Variants in OR10H5 observed in about 807,000 individuals in gnomAD.
The protein encoded by OR10H5 is olfactory receptor family 10 subfamily H member 5.
Under a neutral mutation model 12.2 loss-of-function variants are expected in OR10H5, and 7 were observed. The ratio of observed to expected loss-of-function variants is 0.57; its 90% CI spans 0.33 to 1.07. The LOEUF (loss-of-function observed/expected upper bound fraction) is 1.07, where lower values mean the gene tolerates loss of function less well. Ranked by LOEUF, OR10H5 falls within the 50% of genes least tolerant of loss-of-function variation. OR10H5 has a pLI of 0.04. For synonymous variants in OR10H5, 159 were observed against 175.1 expected (o/e 0.91, Z 0.73); for missense variants, 346 against 411.6 (o/e 0.84, Z 1.38).
At chr19:15,790,900 T>A (rs752968247) in intron 1 of OR10H5, among the ~76,000 whole-genome samples, 1 of 152,122 alleles carries the variant, frequency 6.6e-6, no homozygotes, top group Non-Finnish European at 1.5e-5. Flanking sequence ...AAGTGTAATA[T>A]TGGGGTGAAC....
In OR10H5 at chr19:15,787,693, C is replaced by T. The variant is rs1044378043; in HGVS notation, c.-35C>T. 6.6e-5 allele frequency: 10 copies of T among 152,240 alleles called. No individual in the cohort carries two copies. Among genetic ancestry groups the T allele is most frequent in the African/African-American group, 9.7e-5 (4 of 41,396 alleles). 9.4% of individuals were successfully genotyped at this position (152,240 alleles called of 1,614,324 possible). The stretch of plus-strand genomic sequence containing the variant: ...GGCCATTACAGGCCTGGCTGCAAGG[C>T]GTCCCTAAAGGTCTCTGATGAAGGT... On this transcript the variant is annotated 5_prime_UTR_variant, in exon 1 of 2. Transcript: ENST00000642092.
At chr19:15,789,706 G>A (rs932473123) in intron 1 of OR10H5, among the ~76,000 whole-genome samples, 2 of 152,136 alleles carry the variant, frequency 1.3e-5, no homozygotes, top group Non-Finnish European at 2.9e-5. Context: ...GTGCTGTTCT[G>A]GGAAAGAGTG....
In OR10H5 at chr19:15,797,568, CATT is replaced by C. The variant is rs975308584; in HGVS notation, c.*2573_*2575del. Reference sequence around the variant, plus strand: ...CTCCTTCACTTTATTTAGTAGTAGTCATTGTGTAAATTTGAAACAACCGGAGAA... The same window carrying C: ...CTCCTTCACTTTATTTAGTAGTAGTCGTGTAAATTTGAAACAACCGGAGAA... On this transcript the variant is annotated 3_prime_UTR_variant, in exon 2 of 2. Coordinates refer to ENST00000642092, the MANE Select transcript of OR10H5 (RefSeq NM_001004466.2). 1.8e-4 allele frequency: 27 copies of C among 152,036 alleles called. No homozygotes were observed. Among genetic ancestry groups the C allele is most frequent in the African/African-American group, 6.3e-4 (26 of 41,386 alleles). 9.4% of individuals were successfully genotyped at this position (152,036 alleles called of 1,614,324 possible).
In OR10H5 at chr19:15,797,671, C is replaced by T. The variant is rs534867614; in HGVS notation, c.*2675C>T. The stretch of plus-strand genomic sequence containing the variant: ...CCAGGTCAGGGTGAGGTGAGGGAGA[C>T]ACCTCACCTCCTTTAAACATTATTT... On this transcript the variant is annotated 3_prime_UTR_variant, in exon 2 of 2. Transcript: ENST00000642092. The T allele has an allele frequency of 1.3e-5, 2 of 152,056 alleles. No homozygotes were observed. Among genetic ancestry groups the T allele is most frequent in the African/African-American group, 2.4e-5 (1 of 41,386 alleles). 9.4% of individuals were successfully genotyped at this position (152,056 alleles called of 1,614,324 possible). A position where few individuals can be genotyped will look rare whatever the true frequency, so the allele number is the denominator to read the frequency against.
At chr19:15,788,644 C>G (rs1187500255) in intron 1 of OR10H5, among the ~76,000 whole-genome samples, 1 of 152,074 alleles carries the variant, frequency 6.6e-6, no homozygotes, top group African/African-American at 2.4e-5. Context: ...AGCGCAGGCA[C>G]ACAGCACCAC....
rs2088839967 is a variant in OR10H5, at chr19:15,796,356, A to AGTGTC, written c.*1361_*1365dup. ...TCTATGGGTTTAGGAGGAATCACCC[A>AGTGTC]GTGTCAGAGAATTAGGGATACACCT... On this transcript the variant is annotated 3_prime_UTR_variant, in exon 2 of 2. Coordinates refer to ENST00000642092, the MANE Select transcript of OR10H5 (RefSeq NM_001004466.2). The AGTGTC allele has an allele frequency of 6.6e-6, 1 of 152,242 alleles. No individual in the cohort carries two copies. Among genetic ancestry groups the AGTGTC allele is most frequent in the African/African-American group, 2.4e-5 (1 of 41,454 alleles). 9.4% of individuals were successfully genotyped at this position (152,242 alleles called of 1,614,324 possible). A position where few individuals can be genotyped will look rare whatever the true frequency, so the allele number is the denominator to read the frequency against.
At chr19:15,793,961 T>C (rs2088821504) in intron 1 of OR10H5, 77 bp from the exon 2 acceptor site, 1 of 1,240,298 alleles carries the variant, frequency 8.1e-7, no homozygotes, top group Non-Finnish European at 1.1e-6. Context: ...CGCTCTCAGA[T>C]GTCCTCCCAG....
rs2088829968 is a variant in OR10H5, at chr19:15,794,706, G to T, written c.658G>T (p.Ala220Ser). Reference protein sequence around the residue: ...GCFLLILLSYAFIVAAILKIP... With the variant: ...GCFLLILLSYSFIVAAILKIP... ...TTTTCTCCTCATCCTCCTCTCCTAT[G>T]CCTTCATCGTGGCCGCCATCTTGAA... is the stretch of plus-strand genomic sequence containing the variant. Residue 220 changes from alanine to serine, a missense_variant, in exon 2 of 2, where the codon GCC (alanine) becomes TCC (serine). By Grantham distance (99) the Ala-to-Ser change is moderately conservative (BLOSUM62 1). Coordinates refer to ENST00000642092, the MANE Select transcript of OR10H5 (RefSeq NM_001004466.2). 6.2e-7 allele frequency: 1 copy of T among 1,613,834 alleles called. No homozygotes were observed. Among genetic ancestry groups the T allele is most frequent in the Admixed American group, 1.7e-5 (1 of 59,990 alleles).
Position 15,794,056 on chromosome 19 carries a change from G to A in OR10H5, c.8G>A (p.Gly3Glu), listed in dbSNP as rs1226439767. The change falls in exon 2 of 2, where the codon GGG becomes GAG. Residue 3 changes from glycine to glutamate, a missense_variant. Physicochemically the swap from Gly to Glu is moderately conservative, Grantham distance 98. Coordinates refer to ENST00000642092, the MANE Select transcript of OR10H5 (RefSeq NM_001004466.2). The stretch of plus-strand genomic sequence containing the variant: ...CAACTAGGGGTGGCCGCCATGCAGG[G>A]GCTAAACCACACCTCCGTGTCTGAA... MQ[G>E]LNHTSVSEFI... 6.8e-6 allele frequency: 11 copies of A among 1,612,390 alleles called. No homozygotes were observed. The Admixed American group carries it at 1.7e-4, about 24-fold the overall frequency.
chr19:15,794,932 A>G lies in OR10H5; in HGVS notation c.884A>G (p.Asn295Ser). Residue 295 changes from asparagine (N) to serine (S), a missense_variant, in exon 2 of 2, where the codon AAC (asparagine) becomes AGC (serine). Coordinates refer to ENST00000642092, the MANE Select transcript of OR10H5 (RefSeq NM_001004466.2). ...FLSPIIFSLR[N>S]KELKVAMKKT... ...AGCCCCATCATCTTCAGCCTCAGGA[A>G]CAAGGAGCTGAAGGTCGCCATGAAG... The G allele has an allele frequency of 6.2e-7, 1 of 1,614,178 alleles. No homozygotes were observed. Among genetic ancestry groups the G allele is most frequent in the Non-Finnish European group, 8.5e-7 (1 of 1,180,032 alleles).
intron 1 of OR10H5, among the ~76,000 whole-genome samples, chr19:15,792,507 C>G (rs1012665852): frequency 1.3e-5 from 2 of 152,096 alleles, no homozygotes; most frequent in African/African-American, 4.8e-5. Flanking sequence ...ACTGTGTCGC[C>G]CAGGCTGGAG....
chr19:15,795,042 A>G lies in OR10H5; in HGVS notation c.*46A>G. ...GAGATGTAGCGAATGGGAACACTTT[A>G]GTCTTCCTCCTTTATTTCTTTTCCT... is the stretch of plus-strand genomic sequence containing the variant. On this transcript the variant is annotated 3_prime_UTR_variant, in exon 2 of 2. Transcript: ENST00000642092. 1 of 1,527,158 alleles carries G rather than the reference A, an allele frequency of 6.5e-7. No individual in the cohort carries two copies. The highest frequency in any genetic ancestry group is 9.0e-7 in the Non-Finnish European group (1 of 1,116,486). The allele number at this position is 1,527,158 out of a possible 1,614,324, so 94.6% of individuals were successfully genotyped here. A position where few individuals can be genotyped will look rare whatever the true frequency, so the allele number is the denominator to read the frequency against.
intron 1 of OR10H5, among the ~76,000 whole-genome samples, chr19:15,790,653 A>G (rs984869127): frequency 2.0e-5 from 3 of 152,030 alleles, no homozygotes; most frequent in South Asian, 2.1e-4. Flanking sequence ...CTCAGAGATG[A>G]CAGATGAGGG....
chr19:15,791,814 T>G (rs2088810678), intron 1 of OR10H5, among the ~76,000 whole-genome samples: 1 of 151,914 alleles, frequency 6.6e-6, no homozygotes, highest in Admixed American at 6.6e-5. Context: ...TGCCTCAGCC[T>G]CCCGAGTAGC....
rs2088839200 is a variant in OR10H5, at chr19:15,796,192, T to A, written c.*1196T>A. ...CTATTCTTTAAATTAGAGCTGGGGA[T>A]AAGAAGTACACATTTCTCAGGGCCT... On this transcript the variant is annotated 3_prime_UTR_variant, in exon 2 of 2. Coordinates refer to ENST00000642092, the MANE Select transcript of OR10H5 (RefSeq NM_001004466.2). 6.6e-6 allele frequency: 1 copy of A among 152,226 alleles called. No individual in the cohort carries two copies. Among genetic ancestry groups the A allele is most frequent in the South Asian group, 2.1e-4 (1 of 4,828 alleles). The allele number at this position is 152,226 out of a possible 1,614,324, so 9.4% of individuals were successfully genotyped here.
intron 1 of OR10H5, among the ~76,000 whole-genome samples, chr19:15,792,163 G>A (rs1373949667): frequency 8.6e-5 from 13 of 151,774 alleles, no homozygotes; most frequent in Non-Finnish European, 8.8e-5. Context: ...TATGTTCTAG[G>A]GCACAATTCA....
intron 1 of OR10H5, among the ~76,000 whole-genome samples, chr19:15,790,386 C>A (rs909567662): frequency 1.3e-5 from 2 of 152,176 alleles, no homozygotes; most frequent in Admixed American, 6.5e-5. Flanking sequence ...GAACTGTGTG[C>A]TAAGCACTTG....
intron 1 of OR10H5, among the ~76,000 whole-genome samples, chr19:15,788,543 G>C (rs2088794567): frequency 6.6e-6 from 1 of 152,018 alleles, no homozygotes; most frequent in South Asian, 2.1e-4. Context: ...CTGTCACCCA[G>C]GCTGGAGTGC....
Position 15,797,594 on chromosome 19 carries a change from G to A in OR10H5, c.*2598G>A, listed in dbSNP as rs368081538. The A allele has an allele frequency of 1.3e-5, 2 of 152,128 alleles. No homozygotes were observed. The highest frequency in any genetic ancestry group is 4.8e-5 in the African/African-American group (2 of 41,416). 9.4% of individuals were successfully genotyped at this position (152,128 alleles called of 1,614,324 possible). On this transcript the variant is annotated 3_prime_UTR_variant, in exon 2 of 2. Coordinates refer to ENST00000642092, the MANE Select transcript of OR10H5 (RefSeq NM_001004466.2). ...ATTGTGTAAATTTGAAACAACCGGA[G>A]AAGTTGGGCTTAGTGTTGTTTTTAT...
Sources: gnomAD v4.1 joint callset for allele counts (sites outside exome capture counted in the v4.1 genomes callset) on GRCh38, gnomAD v4.1.1 for gene constraint, MANE v1.5 for transcripts, NCBI Gene and HGNC (gene_info 2026-07-23, HGNC 2026-07-21) for gene names.